Variants in COG5 observed in about 807,000 individuals in gnomAD.
The protein encoded by COG5 is conserved oligomeric Golgi complex subunit 5.
Under a neutral mutation model 110.4 loss-of-function variants are expected in COG5, and 86 were observed. The observed-to-expected ratio is 0.78, with a 90% CI of 0.65 to 0.93. The LOEUF (loss-of-function observed/expected upper bound fraction) is 0.93. Among genes scored for constraint, COG5 ranks in the 40% least tolerant of loss-of-function variants. COG5 has a pLI of 0.00. For synonymous variants in COG5, 360 were observed against 334.6 expected (o/e 1.08, Z -0.83); for missense variants, 1,077 against 987.0 (o/e 1.09, Z -1.22).
intron 6 of COG5, among the ~76,000 whole-genome samples, chr7:107,506,579 T>C (rs368622824): frequency 1.3e-5 from 2 of 152,144 alleles, no homozygotes; most frequent in African/African-American, 4.8e-5. Context: ...TAACAGGTGA[T>C]AGTAAACCCC....
At chr7:107,358,955 C>T (rs775942848) in intron 10 of COG5, among the ~76,000 whole-genome samples, 4 of 152,152 alleles carry the variant, frequency 2.6e-5, no homozygotes, top group Non-Finnish European at 5.9e-5. Context: ...CTTTCATTGT[C>T]ACAAATCATA....
intron 6 of COG5, among the ~76,000 whole-genome samples, chr7:107,428,110 G>A (rs536378009): frequency 2.0e-5 from 3 of 152,216 alleles, no homozygotes; most frequent in East Asian, 1.9e-4. Context: ...GGTGAAAGGT[G>A]GGGATCAATA....
At chr7:107,427,163 G>C (rs995852803) in intron 6 of COG5, among the ~76,000 whole-genome samples, 7 of 152,238 alleles carry the variant, frequency 4.6e-5, no homozygotes, top group Non-Finnish European at 7.4e-5. Context: ...CAAAAGTAAG[G>C]CTATATAGAT....
intron 6 of COG5, among the ~76,000 whole-genome samples, chr7:107,448,301 T>C (rs942216830): frequency 1.3e-5 from 2 of 152,216 alleles, no homozygotes; most frequent in African/African-American, 2.4e-5. Flanking sequence ...TCAATACTTG[T>C]GTGATTACCA....
intron 6 of COG5, among the ~76,000 whole-genome samples, chr7:107,505,645 C>G (rs186279053): frequency 3.2e-4 from 48 of 152,316 alleles, no homozygotes; most frequent in Non-Finnish European, 5.3e-4. Context: ...ACTGTTGGGG[C>G]AGAGCTGCAG....
intron 17 of COG5, among the ~76,000 whole-genome samples, chr7:107,239,298 C>T (rs919516593): frequency 6.6e-6 from 1 of 152,118 alleles, no homozygotes; most frequent in African/African-American, 2.4e-5. Flanking sequence ...CATTTCTGGG[C>T]TCTCTGTTCT....
intron 16 of COG5, among the ~76,000 whole-genome samples, chr7:107,251,062 G>C (rs1167856211): frequency 7.2e-6 from 1 of 139,452 alleles, no homozygotes. Context: ...GGATAATTTT[G>C]ATGAGAACTA....
At chr7:107,333,864 C>A (rs935495250) in intron 10 of COG5, among the ~76,000 whole-genome samples, 3 of 152,032 alleles carry the variant, frequency 2.0e-5, no homozygotes, top group Admixed American at 2.0e-4. Context: ...ATGCCTAATG[C>A]CTAATCTCAT....
intron 8 of COG5, among the ~76,000 whole-genome samples, chr7:107,364,276 C>T (rs1013992154): frequency 7.2e-5 from 11 of 152,056 alleles, no homozygotes; most frequent in Admixed American, 6.6e-5. Context: ...ATGTTAATGC[C>T]ATTAACAACA....
intron 7 of COG5, among the ~76,000 whole-genome samples, chr7:107,380,848 CACA>C (rs891555957): frequency 6.6e-6 from 1 of 152,012 alleles, no homozygotes; most frequent in Non-Finnish European, 1.5e-5. Context: ...CTGGCAGAGA[CACA>C]ACAACAAAAA....
chr7:107,209,966 G>T (rs1051386716), intron 21 of COG5: 1 of 989,914 alleles, frequency 1.0e-6, no homozygotes, highest in African/African-American at 1.7e-5. Context: ...GACAGTTAAA[G>T]CACCCCACCC....
chr7:107,469,843 T>C (rs1053492101), intron 6 of COG5, among the ~76,000 whole-genome samples: 2 of 152,156 alleles, frequency 1.3e-5, no homozygotes, highest in Admixed American at 6.6e-5. Flanking sequence ...TACACATTTT[T>C]AAAATACTAA....
At position 107,241,268 on chromosome 7, in the gene COG5, A is replaced by T. The variant is rs554391017; in HGVS notation, c.1854-4581T>A. 8.5e-5 allele frequency among the ~76,000 whole-genome samples: 13 copies of T among 152,124 alleles called. No homozygotes were observed. In the South Asian group the frequency reaches 2.7e-3, roughly 32 times the overall value. On this transcript the variant is annotated intron_variant, in intron 17 of 21. Coordinates refer to ENST00000297135, the MANE Select transcript of COG5 (RefSeq NM_006348.5). ...GATTGATCTAACTGGGACACTTCAG[A>T]TCACTTTTGAACAAAAACCATTTCC...
intron 21 of COG5, among the ~76,000 whole-genome samples, chr7:107,206,022 G>A (rs1168248634): frequency 6.6e-6 from 1 of 150,854 alleles, no homozygotes. Context: ...GTGCAGTGCC[G>A]CAATCTTGGC....
chr7:107,316,827 T>G, intron 11 of COG5, among the ~76,000 whole-genome samples: 1 of 151,212 alleles, frequency 6.6e-6, no homozygotes. Flanking sequence ...TGAGACTCTG[T>G]CTCAGGAAAA....
chr7:107,496,847 A>G (rs1798309387), intron 6 of COG5, among the ~76,000 whole-genome samples: 2 of 152,136 alleles, frequency 1.3e-5, no homozygotes, highest in South Asian at 4.1e-4. Flanking sequence ...AATAAAGGTC[A>G]TATATGAAGA....
chr7:107,279,300 AT>A (rs1322694756), intron 14 of COG5, among the ~76,000 whole-genome samples: 1 of 152,110 alleles, frequency 6.6e-6, no homozygotes, highest in African/African-American at 2.4e-5. Flanking sequence ...AGATTCTGTC[AT>A]TTCTTAATCT....
intron 7 of COG5, among the ~76,000 whole-genome samples, chr7:107,395,986 A>G (rs1331677296): frequency 2.0e-5 from 3 of 152,228 alleles, no homozygotes; most frequent in Non-Finnish European, 4.4e-5. Context: ...GAGAAATTAT[A>G]AAATCCTAAT....
intron 10 of COG5, among the ~76,000 whole-genome samples, chr7:107,328,736 T>C (rs963314418): frequency 1.3e-5 from 2 of 152,208 alleles, no homozygotes. Flanking sequence ...GAAATTTCAC[T>C]AGTTAAAACA....
Sources: gnomAD v4.1 joint callset for allele counts (sites outside exome capture counted in the v4.1 genomes callset) on GRCh38, gnomAD v4.1.1 for gene constraint, MANE v1.5 for transcripts, NCBI Gene and HGNC (gene_info 2026-07-23, HGNC 2026-07-21) for gene names.